Variants in SLC39A12 observed in about 807,000 individuals in gnomAD.
SLC39A12 encodes solute carrier family 39 member 12.
A neutral mutation model predicts 71.1 loss-of-function variants in SLC39A12; 63 were observed. The observed-to-expected ratio is 0.89, with a 90% CI of 0.72 to 1.09. The LOEUF (loss-of-function observed/expected upper bound fraction) is 1.09. Ranked by LOEUF, SLC39A12 falls within the 50% of genes least tolerant of loss-of-function variation. The pLI is 0.00. For synonymous variants in SLC39A12, 351 were observed against 301.3 expected (o/e 1.16, Z -1.71); for missense variants, 892 against 812.6 (o/e 1.10, Z -1.19).
At chr10:17,999,688 TA>T (rs1292763397) in intron 10 of SLC39A12, among the ~76,000 whole-genome samples, 10 of 152,318 alleles carry the variant, frequency 6.6e-5, no homozygotes, top group African/African-American at 2.2e-4. Context: ...AGCTTCTCTT[TA>T]TTTTGTTCAA....
At chr10:18,013,824 T>C (rs1415635765) in intron 12 of SLC39A12, among the ~76,000 whole-genome samples, 1 of 152,232 alleles carries the variant, frequency 6.6e-6, no homozygotes, top group Non-Finnish European at 1.5e-5. Context: ...TCTCTTGGTC[T>C]ATATGGCTGT....
intron 5 of SLC39A12, among the ~76,000 whole-genome samples, chr10:17,980,606 A>G (rs1387648501): frequency 1.3e-5 from 2 of 152,244 alleles, no homozygotes; most frequent in East Asian, 1.9e-4. Flanking sequence ...AGACTGTGGC[A>G]TTTGTTCTTT....
At chr10:17,976,096 G>A (rs1835102451) in intron 4 of SLC39A12, among the ~76,000 whole-genome samples, 1 of 152,158 alleles carries the variant, frequency 6.6e-6, no homozygotes, top group Non-Finnish European at 1.5e-5. Flanking sequence ...CCTCTTCAGT[G>A]CCTATTTCAG....
chr10:17,984,541 A>G (rs777586257), intron 6 of SLC39A12, among the ~76,000 whole-genome samples: 2 of 152,224 alleles, frequency 1.3e-5, no homozygotes, highest in Non-Finnish European at 2.9e-5. Flanking sequence ...TCTTTAATTT[A>G]TGTAATAAAT....
At chr10:17,971,258 G>GTCCCTCCCCCCCCCCCCCCC (rs1834965298) in intron 4 of SLC39A12, among the ~76,000 whole-genome samples, 1 of 56,566 alleles carries the variant, frequency 1.8e-5, no homozygotes, top group African/African-American at 6.9e-5. Flanking sequence ...ATATTGGCCT[G>GTCCCTCCCCCCCCCCCCCCC]CCCCTCCCCT....
intron 3 of SLC39A12, among the ~76,000 whole-genome samples, chr10:17,962,388 C>T (rs1554848515): frequency 6.6e-6 from 1 of 152,100 alleles, no homozygotes; most frequent in African/African-American, 2.4e-5. Context: ...GTAGAGGATC[C>T]ATTCAAATGC....
chr10:17,979,188 T>TA, intron 5 of SLC39A12, among the ~76,000 whole-genome samples: 1 of 152,188 alleles, frequency 6.6e-6, no homozygotes, highest in Non-Finnish European at 1.5e-5. Flanking sequence ...ATTTTCTTTA[T>TA]AAAAAATATG....
chr10:17,991,333 C>CT, intron 8 of SLC39A12, 30 bp downstream of exon 8: 1 of 1,520,638 alleles, frequency 6.6e-7, no homozygotes, highest in South Asian at 1.3e-5. Flanking sequence ...TTGTCTTGTG[C>CT]TTTAAAGTCT....
intron 12 of SLC39A12, among the ~76,000 whole-genome samples, chr10:18,030,482 G>A (rs1044789477): frequency 8.6e-5 from 13 of 151,648 alleles, no homozygotes; most frequent in African/African-American, 2.2e-4. Flanking sequence ...CTCGTGATCC[G>A]CCTGCCTCGG....
intron 12 of SLC39A12, among the ~76,000 whole-genome samples, chr10:18,036,222 C>A (rs1372504913): frequency 2.6e-5 from 4 of 152,248 alleles, no homozygotes; most frequent in African/African-American, 9.6e-5. Context: ...CAAGCCTGGG[C>A]AATGGCGGGC....
Position 17,977,969 on chromosome 10 carries a change from A to C in SLC39A12, c.819A>C (p.Gln273His). ...STCIKNEKIH[Q>H]FQRKQNNIIT... Reference sequence around the variant, plus strand: ...GTATCAAAAATGAGAAAATCCATCAATTTCAAAGGAAACAAAACAACATAA... The same window carrying C: ...GTATCAAAAATGAGAAAATCCATCACTTTCAAAGGAAACAAAACAACATAA... Residue 273 changes from glutamine (Q) to histidine (H), a missense_variant, in exon 5 of 13, where the codon CAA becomes CAC. By Grantham distance (24) the Gln-to-His change is conservative. Transcript: ENST00000377369. 1 of 1,612,088 alleles carries C rather than the reference A, an allele frequency of 6.2e-7. No individual in the cohort carries two copies. The highest frequency in any genetic ancestry group is 8.5e-7 in the Non-Finnish European group (1 of 1,179,186).
intron 12 of SLC39A12, among the ~76,000 whole-genome samples, chr10:18,030,316 ACAGTGGCG>A (rs1409192748): frequency 6.6e-6 from 1 of 150,858 alleles, no homozygotes; most frequent in Non-Finnish European, 1.5e-5. Flanking sequence ...AGGCTGGAGC[ACAGTGGCG>A]CCTCCCAGGT....
Position 17,965,497 on chromosome 10 carries a change from A to G in SLC39A12, c.558A>G (p.Lys186=), listed in dbSNP as rs538288843. ...TCTGATTTCAGTGTATGGAAACCAA[A>G]ACGCTGCAGAAAAAATCTGGAATAG... ...DTSQSQCMET[K]TLQKKSGIVS... is the part of the protein sequence containing the mutation. The change falls in exon 4 of 13, where the codon AAA becomes AAG. Residue 186 remains lysine, a synonymous_variant. Transcript: ENST00000377369. The G allele has an allele frequency of 6.2e-7, 1 of 1,614,122 alleles. No homozygotes were observed. The highest frequency in any genetic ancestry group is 8.5e-7 in the Non-Finnish European group (1 of 1,180,006).
At position 17,961,525 on chromosome 10, in the gene SLC39A12, G is replaced by A. The variant is rs1172732317; in HGVS notation, c.262-56G>A. On this transcript the variant is annotated intron_variant, in intron 2 of 12. Transcript: ENST00000377369. ...AGACCCTGGTGGTCATTAGTGTTCT[G>A]GAACTATTTTGCTAAGCTTTGTTTC... The A allele has an allele frequency of 5.3e-6, 8 of 1,521,534 alleles. No homozygotes were observed. The African/African-American group carries it at 1.1e-4, about 21-fold the overall frequency. 94.3% of individuals were successfully genotyped at this position (1,521,534 alleles called of 1,614,324 possible). A position where few individuals can be genotyped will look rare whatever the true frequency, so the allele number is the denominator to read the frequency against.
At position 18,035,217 on chromosome 10, in the gene SLC39A12, C is replaced by A. The variant is rs1340855562; in HGVS notation, c.1948-7488C>A. 8.3e-3 allele frequency among the ~76,000 whole-genome samples: 1,224 copies of A among 147,440 alleles called. 12 individuals carry two copies. The highest frequency in any genetic ancestry group is 0.03 in the African/African-American group (1,153 of 38,536). On this transcript the variant is annotated intron_variant, in intron 12 of 12. Coordinates refer to ENST00000377369, the MANE Select transcript of SLC39A12 (RefSeq NM_001145195.2). ...CCTGCCTTGCTAGATTGGGGAAGTT[C>A]TCCTGGATAATATCCTGCAGAGTGT...
intron 12 of SLC39A12, among the ~76,000 whole-genome samples, chr10:18,037,067 G>T (rs561416440): frequency 6.6e-6 from 1 of 151,972 alleles, no homozygotes; most frequent in South Asian, 2.1e-4. Flanking sequence ...GATTACAGGT[G>T]TGAGCCACCA....
At chr10:18,028,331 C>A (rs1269394812) in intron 12 of SLC39A12, among the ~76,000 whole-genome samples, 2 of 152,160 alleles carry the variant, frequency 1.3e-5, no homozygotes, top group Admixed American at 1.3e-4. Flanking sequence ...GGAGGCTGAT[C>A]TTTCTTCTTC....
chr10:18,016,503 A>G (rs1412705917), intron 12 of SLC39A12, among the ~76,000 whole-genome samples: 3 of 152,248 alleles, frequency 2.0e-5, no homozygotes, highest in African/African-American at 4.8e-5. Context: ...GCTGCTATAA[A>G]TACACTTGAG....
intron 4 of SLC39A12, among the ~76,000 whole-genome samples, chr10:17,966,512 A>C (rs998676921): frequency 2.0e-5 from 3 of 151,858 alleles, no homozygotes; most frequent in African/African-American, 4.8e-5. Flanking sequence ...GGGTCTCACT[A>C]TGTTGCCCAG....
Sources: gnomAD v4.1 joint callset for allele counts (sites outside exome capture counted in the v4.1 genomes callset) on GRCh38, gnomAD v4.1.1 for gene constraint, MANE v1.5 for transcripts, NCBI Gene and HGNC (gene_info 2026-07-23, HGNC 2026-07-21) for gene names.